GPC5: variants seen among roughly 807,000 people sequenced by gnomAD.
The protein encoded by GPC5 is glypican-5.
Under a neutral mutation model 53.9 loss-of-function variants are expected in GPC5, and 47 were observed. The ratio of observed to expected loss-of-function variants is 0.87; its 90% CI spans 0.69 to 1.11. The LOEUF is 1.11. Among genes scored for constraint, GPC5 ranks in the 50% most tolerant of loss-of-function variants. The probability of loss-of-function intolerance (pLI) is 0.00; values close to 1 mark genes in which losing one functional copy is unlikely to be tolerated. For synonymous variants in GPC5, 286 were observed against 263.3 expected (o/e 1.09, Z -0.84); for missense variants, 748 against 713.1 (o/e 1.05, Z -0.56).
At chr13:91,892,007 A>G (rs35821616) in intron 5 of GPC5, among the ~76,000 whole-genome samples, 3 of 152,096 alleles carry the variant, frequency 2.0e-5, no homozygotes, top group South Asian at 4.1e-4. Flanking sequence ...AAATTTAGCT[A>G]TTTAACAACC....
At chr13:92,206,117 G>C (rs2042333332) in intron 7 of GPC5, among the ~76,000 whole-genome samples, 1 of 143,798 alleles carries the variant, frequency 7.0e-6, no homozygotes, top group African/African-American at 2.5e-5. Flanking sequence ...ATTTGTTGTT[G>C]TTATTGTTGT....
chr13:92,493,297 C>T (rs958436073), intron 7 of GPC5, among the ~76,000 whole-genome samples: 1 of 152,088 alleles, frequency 6.6e-6, no homozygotes, highest in Non-Finnish European at 1.5e-5. Flanking sequence ...CAATCATATT[C>T]GGAGAAATTA....
chr13:91,646,982 A>G (rs1274229664), intron 2 of GPC5, among the ~76,000 whole-genome samples: 2 of 152,118 alleles, frequency 1.3e-5, no homozygotes, highest in Non-Finnish European at 2.9e-5. Flanking sequence ...TAAAATCATT[A>G]TTATCCATTA....
intron 6 of GPC5, among the ~76,000 whole-genome samples, chr13:91,964,242 T>G (rs1401839836): frequency 6.6e-6 from 1 of 152,176 alleles, no homozygotes; most frequent in South Asian, 2.1e-4. Flanking sequence ...AGCAGCAAGA[T>G]TTCTTGCAAA....
intron 1 of GPC5, among the ~76,000 whole-genome samples, chr13:91,425,731 G>C (rs1878997400): frequency 6.6e-6 from 1 of 152,156 alleles, no homozygotes; most frequent in Admixed American, 6.5e-5. Context: ...CATGGAGAGT[G>C]GGACACTGCT....
At chr13:92,717,097 C>T (rs1168573524) in intron 7 of GPC5, among the ~76,000 whole-genome samples, 3 of 151,852 alleles carry the variant, frequency 2.0e-5, no homozygotes, top group South Asian at 4.2e-4. Flanking sequence ...TAAAACTTCT[C>T]AAACCGTATT....
At chr13:92,465,955 TG>T (rs748077748) in intron 7 of GPC5, among the ~76,000 whole-genome samples, 60 of 150,634 alleles carry the variant, frequency 4.0e-4, no homozygotes, top group Non-Finnish European at 5.9e-4. Flanking sequence ...TACCAGAGGA[TG>T]GGGGAGGGGT....
At chr13:91,949,610 G>A (rs1313035797) in intron 6 of GPC5, among the ~76,000 whole-genome samples, 1 of 152,026 alleles carries the variant, frequency 6.6e-6, no homozygotes, top group Non-Finnish European at 1.5e-5. Flanking sequence ...ATTATTTGAT[G>A]GTCTATAGCC....
chr13:92,745,578 G>A (rs567439977), intron 7 of GPC5, among the ~76,000 whole-genome samples: 1 of 152,168 alleles, frequency 6.6e-6, no homozygotes, highest in South Asian at 2.1e-4. Flanking sequence ...TGAACAAGCT[G>A]AGTCCTCTGG....
intron 7 of GPC5, among the ~76,000 whole-genome samples, chr13:92,809,808 T>C (rs1047099685): frequency 6.6e-6 from 1 of 152,086 alleles, no homozygotes; most frequent in Admixed American, 6.6e-5. Flanking sequence ...CATTTTTATT[T>C]TGGGTATATG....
At chr13:91,724,136 T>C (rs776952678) in intron 3 of GPC5, among the ~76,000 whole-genome samples, 17 of 152,342 alleles carry the variant, frequency 1.1e-4, no homozygotes, top group Non-Finnish European at 1.9e-4. Flanking sequence ...ACCAATAGCA[T>C]AGTTCCTCTG....
intron 7 of GPC5, among the ~76,000 whole-genome samples, chr13:92,403,336 C>A (rs768988497): frequency 6.6e-6 from 1 of 152,094 alleles, no homozygotes; most frequent in Non-Finnish European, 1.5e-5. Context: ...TCAGGGGACC[C>A]CAAGCCATGG....
chr13:92,168,397 A>G (rs2042046595), intron 7 of GPC5, among the ~76,000 whole-genome samples: 1 of 152,230 alleles, frequency 6.6e-6, no homozygotes. Context: ...CAGAGTGAAC[A>G]GGCAGCCTAC....
At chr13:92,079,491 C>T (rs2041278326) in intron 6 of GPC5, among the ~76,000 whole-genome samples, 1 of 152,132 alleles carries the variant, frequency 6.6e-6, no homozygotes, top group Non-Finnish European at 1.5e-5. Flanking sequence ...GCATGTGGCT[C>T]GCAGTATTTG....
chr13:91,416,860 A>G (rs1206237856), intron 1 of GPC5, among the ~76,000 whole-genome samples: 1 of 152,200 alleles, frequency 6.6e-6, no homozygotes, highest in Non-Finnish European at 1.5e-5. Context: ...ATTGATGGAC[A>G]TTTGGGTTGG....
chr13:92,579,587 G>A (rs1300439451), intron 7 of GPC5, among the ~76,000 whole-genome samples: 1 of 152,002 alleles, frequency 6.6e-6, no homozygotes, highest in East Asian at 1.9e-4. Context: ...TGTGCTACCA[G>A]TGGGAAGTTA....
At position 92,209,306 on chromosome 13, in the gene GPC5, C is replaced by G. The variant is rs1248101076; in HGVS notation, c.1561+64317C>G. ...TTAGGATGTTCATAACAAAATGCCA[C>G]AATTTTAGATCTGGGAGGAATTTGG... On this transcript the variant is annotated intron_variant, in intron 7 of 7. Transcript: ENST00000377067. Among the ~76,000 whole-genome samples the G allele has an allele frequency of 2.6e-5, 4 of 152,022 alleles. No individual in the cohort carries two copies. In the East Asian group the frequency reaches 7.7e-4, roughly 29 times the overall value.
At chr13:92,553,856 C>T (rs1428318446) in intron 7 of GPC5, among the ~76,000 whole-genome samples, 1 of 151,950 alleles carries the variant, frequency 6.6e-6, no homozygotes, top group East Asian at 1.9e-4. Flanking sequence ...AACTTTTTAA[C>T]AGTTTGCCCA....
At chr13:92,521,963 T>C (rs1881069399) in intron 7 of GPC5, among the ~76,000 whole-genome samples, 1 of 151,992 alleles carries the variant, frequency 6.6e-6, no homozygotes, top group Admixed American at 6.6e-5. Context: ...AACAAGTGGG[T>C]GAAGGATATG....
Sources: allele counts gnomAD v4.1 joint callset (sites outside exome capture counted in the v4.1 genomes callset), GRCh38; gene constraint gnomAD v4.1.1; transcripts MANE v1.5; gene names NCBI Gene and HGNC (gene_info 2026-07-23, HGNC 2026-07-21).